The following CFAP299 variants were observed in gnomAD, a reference collection of about 807,000 sequenced individuals.
The protein encoded by CFAP299 is cilia- and flagella-associated protein 299.
A neutral mutation model predicts 27.0 loss-of-function variants in CFAP299; 21 were observed. The ratio of observed to expected loss-of-function variants is 0.78; its 90% CI spans 0.55 to 1.12. The LOEUF (loss-of-function observed/expected upper bound fraction) is 1.12, where lower values mean the gene tolerates loss of function less well. Ranked by LOEUF, CFAP299 falls within the 50% of genes most tolerant of loss-of-function variation. CFAP299 has a pLI of 0.00. For synonymous variants in CFAP299, 104 were observed against 98.1 expected (o/e 1.06, Z -0.36); for missense variants, 310 against 276.6 (o/e 1.12, Z -0.86).
chr4:80,344,745 A>G (rs1722639627), intron 1 of CFAP299, among the ~76,000 whole-genome samples: 2 of 152,226 alleles, frequency 1.3e-5, no homozygotes, highest in South Asian at 4.1e-4. Flanking sequence ...ATCCTCAATA[A>G]AATACTGGCA....
intron 2 of CFAP299, chr4:80,386,480 G>T: frequency 6.5e-7 from 1 of 1,542,904 alleles, no homozygotes; most frequent in Non-Finnish European, 8.8e-7. Context: ...TGCCGCCACG[G>T]CGCGGGGCTG....
chr4:80,491,792 C>T (rs1452264845), intron 2 of CFAP299, among the ~76,000 whole-genome samples: 1 of 152,126 alleles, frequency 6.6e-6, no homozygotes, highest in Non-Finnish European at 1.5e-5. Flanking sequence ...ATATTTTACC[C>T]CAAAACATGT....
chr4:80,934,104 C>A (rs1736766787), intron 4 of CFAP299, among the ~76,000 whole-genome samples: 1 of 151,938 alleles, frequency 6.6e-6, no homozygotes, highest in South Asian at 2.1e-4. Flanking sequence ...TGCATTCCTT[C>A]TGTATTACTT....
chr4:80,639,239 CAA>C (rs1381230272), intron 3 of CFAP299, among the ~76,000 whole-genome samples: 1 of 152,092 alleles, frequency 6.6e-6, no homozygotes, highest in South Asian at 2.1e-4. Context: ...GTATGTAAAA[CAA>C]AGAGTCACAA....
chr4:80,490,036 T>C (rs996124326), intron 2 of CFAP299, among the ~76,000 whole-genome samples: 4 of 152,214 alleles, frequency 2.6e-5, no homozygotes, highest in Admixed American at 6.5e-5. Flanking sequence ...CAGAAATTAG[T>C]ATCTCCTGAG....
chr4:80,516,418 G>A (rs1182895995), intron 2 of CFAP299, among the ~76,000 whole-genome samples: 2 of 152,138 alleles, frequency 1.3e-5, no homozygotes, highest in African/African-American at 4.8e-5. Context: ...TACAAGGATG[G>A]CTCAAGCATC....
At chr4:80,435,391 G>A (rs1728017632) in intron 2 of CFAP299, among the ~76,000 whole-genome samples, 1 of 152,118 alleles carries the variant, frequency 6.6e-6, no homozygotes, top group African/African-American at 2.4e-5. Flanking sequence ...TAGATCTTTG[G>A]CTATAGTTAC....
In CFAP299 at chr4:80,788,498, T is replaced by C. The variant is rs112259106; in HGVS notation, c.334-81495T>C. ...TGTTATTTTGAGATTCAATTAAATATATTGACATATATATGTATATATGTG... is the reference window on the plus strand; with the variant it reads ...TGTTATTTTGAGATTCAATTAAATACATTGACATATATATGTATATATGTG... On this transcript the variant is annotated intron_variant, in intron 3 of 5. Coordinates refer to ENST00000358105, the MANE Select transcript of CFAP299 (RefSeq NM_152770.3). Among the ~76,000 whole-genome samples, 817 of 152,088 alleles carry C rather than the reference T, an allele frequency of 5.4e-3. 5 individuals are homozygous for C. The highest frequency in any genetic ancestry group is 0.018 in the African/African-American group (766 of 41,532).
At chr4:80,416,763 T>C (rs913530661) in intron 2 of CFAP299, among the ~76,000 whole-genome samples, 2 of 152,168 alleles carry the variant, frequency 1.3e-5, no homozygotes, top group East Asian at 3.8e-4. Context: ...GCTTGGGGAT[T>C]TGGTAAGGTT....
chr4:80,491,279 A>T (rs936211680), intron 2 of CFAP299, among the ~76,000 whole-genome samples: 1 of 152,196 alleles, frequency 6.6e-6, no homozygotes, highest in Non-Finnish European at 1.5e-5. Flanking sequence ...CAGATTTTCT[A>T]TAAGTTTTAA....
intron 3 of CFAP299, among the ~76,000 whole-genome samples, chr4:80,781,660 G>A (rs561204296): frequency 1.3e-5 from 2 of 152,102 alleles, no homozygotes; most frequent in East Asian, 3.9e-4. Flanking sequence ...TCTATGGTCA[G>A]GCCTACTTGA....
At chr4:80,372,860 A>G (rs1204596014) in intron 2 of CFAP299, among the ~76,000 whole-genome samples, 2 of 152,194 alleles carry the variant, frequency 1.3e-5, no homozygotes, top group Non-Finnish European at 2.9e-5. Context: ...TTTAATGAGA[A>G]ATCAAACTGA....
chr4:80,510,541 C>A (rs1436687377), intron 2 of CFAP299, among the ~76,000 whole-genome samples: 1 of 152,154 alleles, frequency 6.6e-6, no homozygotes, highest in Non-Finnish European at 1.5e-5. Flanking sequence ...GTCCTCTGAC[C>A]TACCCTGTCC....
At chr4:80,832,130 G>T (rs975969374) in intron 3 of CFAP299, among the ~76,000 whole-genome samples, 21 of 152,086 alleles carry the variant, frequency 1.4e-4, no homozygotes, top group African/African-American at 5.1e-4. Flanking sequence ...CTTGTGTAAT[G>T]CCCAGGAACT....
intron 2 of CFAP299, among the ~76,000 whole-genome samples, chr4:80,444,064 T>C (rs906326227): frequency 3.3e-5 from 5 of 152,172 alleles, no homozygotes; most frequent in Admixed American, 3.3e-4. Flanking sequence ...TCCATGCTCA[T>C]GGATAGGAAA....
At chr4:80,642,819 T>A (rs1739798120) in intron 3 of CFAP299, among the ~76,000 whole-genome samples, 1 of 152,012 alleles carries the variant, frequency 6.6e-6, no homozygotes. Flanking sequence ...TTGTTTATGG[T>A]CTCCTACATG....
intron 2 of CFAP299, among the ~76,000 whole-genome samples, chr4:80,399,902 G>A (rs1726046510): frequency 2.0e-5 from 3 of 152,088 alleles, no homozygotes; most frequent in Non-Finnish European, 4.4e-5. Context: ...GATTTGGCAT[G>A]ACTTATACAT....
chr4:80,948,618 C>T (rs1160590059), intron 5 of CFAP299, among the ~76,000 whole-genome samples: 2 of 151,922 alleles, frequency 1.3e-5, no homozygotes, highest in African/African-American at 4.8e-5. Flanking sequence ...TGGTCTAAAA[C>T]TGGCATGAAC....
chr4:80,821,178 G>A (rs1325083137), intron 3 of CFAP299, among the ~76,000 whole-genome samples: 1 of 152,110 alleles, frequency 6.6e-6, no homozygotes, highest in East Asian at 1.9e-4. Context: ...AACTTCATAC[G>A]CACTTTACCA....
Sources: gnomAD v4.1 joint callset for allele counts (sites outside exome capture counted in the v4.1 genomes callset) on GRCh38, gnomAD v4.1.1 for gene constraint, MANE v1.5 for transcripts, NCBI Gene and HGNC (gene_info 2026-07-23, HGNC 2026-07-21) for gene names.